The following IPCEF1 variants were observed in gnomAD, a reference collection of about 807,000 sequenced individuals.
The protein encoded by IPCEF1 is interactor protein for cytohesin exchange factors 1.
A neutral mutation model predicts 50.9 loss-of-function variants in IPCEF1; 31 were observed. The ratio of observed to expected loss-of-function variants is 0.61; its 90% CI spans 0.46 to 0.82. The LOEUF is 0.82. Ranked by LOEUF, IPCEF1 falls within the 40% of genes least tolerant of loss-of-function variation. The probability of loss-of-function intolerance (pLI) is 0.00; values close to 1 mark genes in which losing one functional copy is unlikely to be tolerated. For synonymous variants in IPCEF1, 181 were observed against 192.0 expected (o/e 0.94, Z 0.47); for missense variants, 458 against 514.0 (o/e 0.89, Z 1.05).
chr6:154,308,318 T>TC (rs1164658145), intron 1 of IPCEF1, among the ~76,000 whole-genome samples: 6 of 152,180 alleles, frequency 3.9e-5, no homozygotes, highest in Non-Finnish European at 8.8e-5. Flanking sequence ...TTGTTTTTTT[T>TC]CGCAGTGTTG....
chr6:154,305,586 G>A (rs1350752085), intron 1 of IPCEF1, among the ~76,000 whole-genome samples: 1 of 152,136 alleles, frequency 6.6e-6, no homozygotes, highest in Non-Finnish European at 1.5e-5. Flanking sequence ...CAGTGTGATG[G>A]TTAATATTAT....
intron 1 of IPCEF1, among the ~76,000 whole-genome samples, chr6:154,349,660 C>T (rs1370969099): frequency 6.6e-6 from 1 of 152,164 alleles, no homozygotes; most frequent in Non-Finnish European, 1.5e-5. Context: ...TTCTATTCCT[C>T]TCTGGCGTTA....
Position 154,246,532 on chromosome 6 carries a change from T to G in IPCEF1, c.246+59A>C, listed in dbSNP as rs9479798. The G allele has an allele frequency of 0.4, 603,595 of 1,521,538 alleles. 123,986 individuals are homozygous for G. The highest frequency in any genetic ancestry group is 0.45 in the Middle Eastern group (2,553 of 5,634). The allele number at this position is 1,521,538 out of a possible 1,614,324, so 94.3% of individuals were successfully genotyped here. A position where few individuals can be genotyped will look rare whatever the true frequency, so the allele number is the denominator to read the frequency against. On this transcript the variant is annotated intron_variant, in intron 5 of 11. Transcript: ENST00000367220. ...GAACTTTCCCATAGGGATCACCTGA[T>G]GCCTTTAACGTATCCCTCATTAAAA...
rs917304282 is a variant in IPCEF1, at chr6:154,164,659, G to A, written c.1104+3261C>T. ...ACTCCAAATAGTCAGTGTGTGGCTC[G>A]ACTCAAGACCTAAGCATTGGAAATG... On this transcript the variant is annotated intron_variant, in intron 11 of 11. Coordinates refer to ENST00000367220, the MANE Select transcript of IPCEF1 (RefSeq NM_001130700.2). Among the ~76,000 whole-genome samples the A allele has an allele frequency of 7.9e-5, 12 of 152,142 alleles. No individual in the cohort carries two copies. The East Asian group carries it at 1.5e-3, about 20-fold the overall frequency.
rs545577901 is a variant in IPCEF1 at position 154,347,363 on chromosome 6, GC to G, written c.-62+9308del. ...CTGTACTATTTCTGGGTGACCTTGA[GC>G]CAGGTTTGAAGTTCCCTGAACCTGT... is the stretch of plus-strand genomic sequence containing the variant. On this transcript the variant is annotated intron_variant, in intron 1 of 11. Transcript: ENST00000367220. 1.2e-3 allele frequency among the ~76,000 whole-genome samples: 188 copies of G among 152,342 alleles called. 3 individuals are homozygous for G. In the South Asian group the frequency reaches 0.016, roughly 13 times the overall value.
At chr6:154,219,355 G>A (rs1017114042) in intron 7 of IPCEF1, among the ~76,000 whole-genome samples, 2 of 152,188 alleles carry the variant, frequency 1.3e-5, no homozygotes, top group Non-Finnish European at 2.9e-5. Flanking sequence ...ATCAGCCACA[G>A]AATGAGTGGG....
chr6:154,354,230 T>C (rs752754548), intron 1 of IPCEF1, among the ~76,000 whole-genome samples: 1 of 152,178 alleles, frequency 6.6e-6, no homozygotes, highest in Non-Finnish European at 1.5e-5. Context: ...TTCTCTTGGC[T>C]AAATTATACT....
At chr6:154,315,866 C>A (rs933068741) in intron 1 of IPCEF1, among the ~76,000 whole-genome samples, 1 of 152,028 alleles carries the variant, frequency 6.6e-6, no homozygotes, top group South Asian at 2.1e-4. Context: ...CTCACTCTGT[C>A]ACCCAGGCTG....
intron 10 of IPCEF1, among the ~76,000 whole-genome samples, chr6:154,177,384 A>G (rs1025663426): frequency 5.9e-5 from 9 of 152,244 alleles, no homozygotes; most frequent in Non-Finnish European, 8.8e-5. Context: ...TTTGCAATCT[A>G]TCCATCTGAC....
At chr6:154,348,449 C>T (rs919905471) in intron 1 of IPCEF1, among the ~76,000 whole-genome samples, 41 of 152,250 alleles carry the variant, frequency 2.7e-4, no homozygotes, top group African/African-American at 9.1e-4. Context: ...CTAATTCACA[C>T]GATTCCAGGG....
intron 1 of IPCEF1, among the ~76,000 whole-genome samples, chr6:154,336,624 A>G (rs971080060): frequency 6.6e-5 from 10 of 151,756 alleles, no homozygotes; most frequent in Admixed American, 6.6e-4. Context: ...TTTTTTTGAG[A>G]CCAAGGTCTC....
At chr6:154,252,726 T>G (rs545120107) in intron 3 of IPCEF1, among the ~76,000 whole-genome samples, 1 of 152,108 alleles carries the variant, frequency 6.6e-6, no homozygotes, top group South Asian at 2.1e-4. Context: ...CACTAGAGAT[T>G]TGGCAAAACC....
intron 5 of IPCEF1, among the ~76,000 whole-genome samples, chr6:154,239,588 G>C (rs1430266386): frequency 6.6e-6 from 1 of 152,218 alleles, no homozygotes; most frequent in East Asian, 1.9e-4. Flanking sequence ...GTTTTGCCCT[G>C]TCCAGACATG....
intron 1 of IPCEF1, among the ~76,000 whole-genome samples, chr6:154,299,165 T>C (rs1285301650): frequency 7.1e-6 from 1 of 140,422 alleles, no homozygotes; most frequent in Non-Finnish European, 1.6e-5. Context: ...CTAAAGCCCC[T>C]CTCGGTCCTC....
intron 11 of IPCEF1, among the ~76,000 whole-genome samples, chr6:154,161,172 C>T (rs1798983829): frequency 6.6e-6 from 1 of 151,966 alleles, no homozygotes; most frequent in Admixed American, 6.6e-5. Context: ...TTACACAGAA[C>T]ACTTTCCAGT....
intron 7 of IPCEF1, among the ~76,000 whole-genome samples, chr6:154,218,416 C>G (rs984922936): frequency 1.5e-4 from 23 of 152,320 alleles, no homozygotes; most frequent in African/African-American, 5.3e-4. Context: ...AACTTAATTA[C>G]ATTTCCCTTC....
At chr6:154,245,803 C>T (rs138618437) in intron 5 of IPCEF1, among the ~76,000 whole-genome samples, 11 of 152,320 alleles carry the variant, frequency 7.2e-5, no homozygotes, top group African/African-American at 2.6e-4. Context: ...TCCTTGGAAA[C>T]GTCTCCTCAT....
chr6:154,302,506 G>A (rs771444978), intron 1 of IPCEF1, among the ~76,000 whole-genome samples: 1 of 152,048 alleles, frequency 6.6e-6, no homozygotes, highest in Non-Finnish European at 1.5e-5. Context: ...AGGGGGTTTT[G>A]CTGTGTCTCC....
intron 1 of IPCEF1, among the ~76,000 whole-genome samples, chr6:154,330,352 T>A (rs1008384239): frequency 7.5e-5 from 8 of 106,708 alleles, no homozygotes; most frequent in Non-Finnish European, 1.5e-4. Flanking sequence ...TTTTTTTTTT[T>A]AAGACAGGAT....
Sources: gnomAD v4.1 joint callset for allele counts (sites outside exome capture counted in the v4.1 genomes callset) on GRCh38, gnomAD v4.1.1 for gene constraint, MANE v1.5 for transcripts, NCBI Gene and HGNC (gene_info 2026-07-23, HGNC 2026-07-21) for gene names.